Variants in ATP6V1H observed in about 807,000 individuals in gnomAD.
The protein encoded by ATP6V1H is ATPase H+ transporting V1 subunit H.
In ATP6V1H, 39 loss-of-function variants were observed where a neutral mutation model predicts 71.7. The observed-to-expected ratio is 0.54, with a 90% confidence interval of 0.42 to 0.71. The LOEUF (loss-of-function observed/expected upper bound fraction) is 0.71, where lower values mean the gene tolerates loss of function less well. Ranked by LOEUF, ATP6V1H falls within the 30% of genes least tolerant of loss-of-function variation. ATP6V1H has a pLI of 0.00. For synonymous variants in ATP6V1H, 192 were observed against 199.3 expected (o/e 0.96, Z 0.31); for missense variants, 509 against 594.9 (o/e 0.86, Z 1.50).
intron 13 of ATP6V1H, among the ~76,000 whole-genome samples, chr8:53,731,901 T>C (rs1807039594): frequency 6.6e-6 from 1 of 152,224 alleles, no homozygotes; most frequent in South Asian, 2.1e-4. Flanking sequence ...TTTGTCCTGG[T>C]GGAACACCTC....
intron 12 of ATP6V1H, among the ~76,000 whole-genome samples, chr8:53,747,321 A>G (rs1807637540): frequency 6.6e-6 from 1 of 152,198 alleles, no homozygotes; most frequent in African/African-American, 2.4e-5. Context: ...CTGTGTAGCA[A>G]TATACCCTCT....
chr8:53,759,476 G>A (rs1432804697), intron 11 of ATP6V1H, among the ~76,000 whole-genome samples: 3 of 152,264 alleles, frequency 2.0e-5, no homozygotes, highest in South Asian at 4.1e-4. Context: ...CTATTGCCAC[G>A]TTAACCACAA....
intron 9 of ATP6V1H, among the ~76,000 whole-genome samples, chr8:53,774,679 A>G (rs1808799012): frequency 6.6e-6 from 1 of 152,212 alleles, no homozygotes; most frequent in African/African-American, 2.4e-5. Context: ...AAGGTAGCAG[A>G]AACTAGAATG....
At position 53,772,126 on chromosome 8, in the gene ATP6V1H, T is replaced by C; in HGVS notation, c.912A>G (p.Glu304=). 4 of 1,613,604 alleles carry C rather than the reference T, an allele frequency of 2.5e-6. No homozygotes were observed. Among genetic ancestry groups the C allele is most frequent in the Non-Finnish European group, 2.5e-6 (3 of 1,179,894 alleles). Residue 304 remains glutamate, a synonymous_variant, in exon 10 of 14, where the codon GAA becomes GAG. Transcript: ENST00000359530. The part of the protein sequence containing the change: ...EKSTERETRQ[E]YALAMIQCKV... Reference sequence around the variant, plus strand: ...TGCACTGAATCATAGCCAGGGCATATTCTTGGCGAGTTTCTCTTTCAGTTG... The same window carrying C: ...TGCACTGAATCATAGCCAGGGCATACTCTTGGCGAGTTTCTCTTTCAGTTG...
At chr8:53,781,722 G>A (rs1370129045) in intron 9 of ATP6V1H, among the ~76,000 whole-genome samples, 1 of 151,936 alleles carries the variant, frequency 6.6e-6, no homozygotes, top group Non-Finnish European at 1.5e-5. Context: ...TTTGTATAAG[G>A]TGTAAGGAAG....
chr8:53,785,639 C>T (rs1809352200), intron 9 of ATP6V1H, among the ~76,000 whole-genome samples: 1 of 152,146 alleles, frequency 6.6e-6, no homozygotes, highest in Non-Finnish European at 1.5e-5. Flanking sequence ...TCTGGTTTTT[C>T]TGCTCTGTTT....
chr8:53,732,607 C>T (rs957049342), intron 13 of ATP6V1H, among the ~76,000 whole-genome samples: 1 of 141,820 alleles, frequency 7.1e-6, no homozygotes, highest in Non-Finnish European at 1.5e-5. Context: ...CATAGTTAAA[C>T]ATAATATAGA....
At position 53,785,601 on chromosome 8, in the gene ATP6V1H, G is replaced by A. The variant is rs191895524; in HGVS notation, c.870+10046C>T. Among the ~76,000 whole-genome samples, 387 of 152,312 alleles carry A rather than the reference G, an allele frequency of 2.5e-3. 5 individuals carry two copies. Among genetic ancestry groups the A allele is most frequent in the African/African-American group, 9.0e-3 (373 of 41,564 alleles). On this transcript the variant is annotated intron_variant, in intron 9 of 13. Coordinates refer to ENST00000359530, the MANE Select transcript of ATP6V1H (RefSeq NM_015941.4). ...GGTGAGGAGCTGCGTTCCTTTGGAG[G>A]AGGAGAGGTGCTCTGAGTTTTAGAG... is the stretch of plus-strand genomic sequence containing the variant.
intron 2 of ATP6V1H, among the ~76,000 whole-genome samples, chr8:53,837,659 G>A (rs1195141759): frequency 6.6e-6 from 1 of 152,154 alleles, no homozygotes; most frequent in African/African-American, 2.4e-5. Flanking sequence ...GATCAAGAAG[G>A]CGGGAGCTAG....
At chr8:53,813,531 C>T (rs1281126226) in intron 6 of ATP6V1H, among the ~76,000 whole-genome samples, 1 of 152,222 alleles carries the variant, frequency 6.6e-6, no homozygotes, top group South Asian at 2.1e-4. Context: ...ACCCTCACAT[C>T]AAAATCTCAT....
chr8:53,788,498 A>T (rs1388664350), intron 9 of ATP6V1H, among the ~76,000 whole-genome samples: 1 of 152,224 alleles, frequency 6.6e-6, no homozygotes, highest in African/African-American at 2.4e-5. Context: ...ACTTACAGAG[A>T]TAAAGAGGAA....
intron 2 of ATP6V1H, among the ~76,000 whole-genome samples, chr8:53,833,454 G>A (rs899668527): frequency 6.6e-6 from 1 of 151,444 alleles, no homozygotes; most frequent in Admixed American, 6.6e-5. Context: ...CCCCTCTCAA[G>A]CCAAACAATT....
intron 13 of ATP6V1H, among the ~76,000 whole-genome samples, chr8:53,736,184 TA>T: frequency 6.6e-6 from 1 of 152,318 alleles, no homozygotes; most frequent in East Asian, 1.9e-4. Flanking sequence ...CACTTATATA[TA>T]AGTGTCCCCA....
Position 53,829,448 on chromosome 8 carries a change from A to T in ATP6V1H, c.302T>A (p.Leu101Gln), listed in dbSNP as rs1810929644. 1 of 1,599,350 alleles carries T rather than the reference A, an allele frequency of 6.3e-7. No individual in the cohort carries two copies. Among genetic ancestry groups the T allele is most frequent in the Non-Finnish European group, 8.5e-7 (1 of 1,171,008 alleles). ...QYILTMVDDM[L>Q]QENHQRVSIF... The stretch of plus-strand genomic sequence containing the variant: ...TTAAGTAAAGAATATACCTACCTGC[A>T]GCATATCATCCACCATAGTTAGTAT... The change falls in exon 4 of 14, where the codon CTG (leucine) becomes CAG (glutamine). Residue 101 changes from leucine to glutamine, a missense_variant. Around this residue, in one of 2 missense-constraint regions of ATP6V1H, gnomAD observed 297 missense variants for 303.3 expected, o/e 0.98. Coordinates refer to ENST00000359530, the MANE Select transcript of ATP6V1H (RefSeq NM_015941.4).
intron 6 of ATP6V1H, among the ~76,000 whole-genome samples, chr8:53,811,423 T>C (rs1810270231): frequency 6.6e-6 from 1 of 152,188 alleles, no homozygotes; most frequent in African/African-American, 2.4e-5. Flanking sequence ...AGATAATATA[T>C]TAATCAGTAA....
intron 6 of ATP6V1H, among the ~76,000 whole-genome samples, chr8:53,813,689 T>C (rs1158540079): frequency 6.6e-6 from 1 of 152,202 alleles, no homozygotes; most frequent in Non-Finnish European, 1.5e-5. Flanking sequence ...CCATCATTCA[T>C]GTCCTATCTT....
chr8:53,736,618 A>C (rs1807212182), intron 13 of ATP6V1H, among the ~76,000 whole-genome samples: 1 of 152,222 alleles, frequency 6.6e-6, no homozygotes, highest in South Asian at 2.1e-4. Context: ...TTATTCCTTC[A>C]AATAATAAAA....
chr8:53,826,958 A>G (rs1288315023), intron 4 of ATP6V1H, among the ~76,000 whole-genome samples: 4 of 151,976 alleles, frequency 2.6e-5, no homozygotes, highest in Non-Finnish European at 5.9e-5. Context: ...TCTCAAAAAA[A>G]AAAAAAACTA....
chr8:53,837,033 C>T (rs971940849), intron 2 of ATP6V1H, among the ~76,000 whole-genome samples: 3 of 151,890 alleles, frequency 2.0e-5, no homozygotes, highest in South Asian at 2.1e-4. Context: ...CCCAGCTACT[C>T]GGGAGGCTGA....
Sources: allele counts gnomAD v4.1 joint callset (sites outside exome capture counted in the v4.1 genomes callset), GRCh38; gene constraint gnomAD v4.1.1; regional missense constraint gnomAD v4.1.1; transcripts MANE v1.5; gene names NCBI Gene and HGNC (gene_info 2026-07-23, HGNC 2026-07-21).